COX17: variants seen among roughly 807,000 people sequenced by gnomAD.
COX17 encodes cytochrome c oxidase copper chaperone.
Under a neutral mutation model 6.3 loss-of-function variants are expected in COX17, and 1 was observed. The ratio of observed to expected loss-of-function variants is 0.16; its 90% confidence interval spans 0.06 to 0.75. The LOEUF (loss-of-function observed/expected upper bound fraction) is 0.75. Among genes scored for constraint, COX17 ranks in the 30% least tolerant of loss-of-function variants. COX17 has a pLI of 0.77. For synonymous variants in COX17, 26 were observed against 30.5 expected (o/e 0.85, Z 0.49); for missense variants, 73 against 81.2 (o/e 0.90, Z 0.39).
At chr3:119,672,952 C>A (rs1330847497) in intron 2 of COX17, among the ~76,000 whole-genome samples, 1 of 152,166 alleles carries the variant, frequency 6.6e-6, no homozygotes, top group Non-Finnish European at 1.5e-5. Context: ...GTTCCTTATC[C>A]CTCCTTTTTT....
chr3:119,667,728 C>CACAG (rs1484332925), downstream of COX17, among the ~76,000 whole-genome samples: 3 of 67,578 alleles, frequency 4.4e-5, no homozygotes, highest in African/African-American at 1.4e-4. Context: ...CACACACACA[C>CACAG]AGAGAGAGAG....
intron 3 of COX17, among the ~76,000 whole-genome samples, chr3:119,664,418 A>T (rs2052975407): frequency 6.6e-6 from 1 of 152,124 alleles, no homozygotes; most frequent in South Asian, 2.1e-4. Flanking sequence ...TCTGGTCTAA[A>T]AAGATGAGTA....
chr3:119,667,671 AAAG>A (rs1388068847), downstream of COX17, among the ~76,000 whole-genome samples: 10 of 144,666 alleles, frequency 6.9e-5, no homozygotes, highest in East Asian at 1.4e-3. Context: ...AAAAAAAAAA[AAAG>A]AAAGTAAAAG....
At chr3:119,668,177 G>T (rs2053011372), downstream of COX17, among the ~76,000 whole-genome samples, 1 of 152,048 alleles carries the variant, frequency 6.6e-6, no homozygotes, top group South Asian at 2.1e-4. Context: ...ATGTATAAAG[G>T]CATAGGAAAA....
At chr3:119,676,930 G>A in intron 1 of COX17, 1 of 697,482 alleles carries the variant, frequency 1.4e-6, no homozygotes. Flanking sequence ...CCGGTACTAA[G>A]CTACGGGATA....
At chr3:119,665,217 A>G (rs1023917882), downstream of COX17, 2 of 152,206 alleles carry the variant, frequency 1.3e-5, no homozygotes, top group Non-Finnish European at 2.9e-5. Context: ...AGCTTCTGGG[A>G]AAAAGTATAC....
intron 1 of COX17, among the ~76,000 whole-genome samples, chr3:119,676,343 C>A (rs1285444156): frequency 6.6e-6 from 1 of 152,244 alleles, no homozygotes; most frequent in African/African-American, 2.4e-5. Flanking sequence ...TGAGCTCCTA[C>A]ACTCTTATTA....
chr3:119,670,279 T>C (rs1466032471), intron 2 of COX17, among the ~76,000 whole-genome samples: 1 of 152,140 alleles, frequency 6.6e-6, no homozygotes, highest in Non-Finnish European at 1.5e-5. Context: ...TCCCAGAAGA[T>C]TGAGAACAAT....
At chr3:119,670,348 T>C (rs4687872) in intron 2 of COX17, among the ~76,000 whole-genome samples, 144,674 of 152,264 alleles carry the variant, frequency 0.95, 69,205 homozygotes, top group East Asian at 1. Flanking sequence ...AAATATTTCC[T>C]TCATTTAGCT....
chr3:119,673,307 A>T (rs1640728048), intron 2 of COX17, among the ~76,000 whole-genome samples: 1 of 152,178 alleles, frequency 6.6e-6, no homozygotes, highest in South Asian at 2.1e-4. Flanking sequence ...GGTAGTGGGG[A>T]TATGACAGTA....
At chr3:119,664,160 A>G (rs1208640235) in intron 3 of COX17, among the ~76,000 whole-genome samples, 1 of 152,200 alleles carries the variant, frequency 6.6e-6, no homozygotes, top group African/African-American at 2.4e-5. Flanking sequence ...TCAAAGAAAA[A>G]ACACTTATGA....
downstream of COX17, chr3:119,669,471 T>G (rs1400675682): frequency 6.6e-6 from 1 of 152,116 alleles, no homozygotes; most frequent in African/African-American, 2.4e-5. Context: ...GTATATATCC[T>G]TTGGGGGAAA....
Position 119,677,290 on chromosome 3 carries a change from T to G in COX17, c.21A>C (p.Ser7=). 1 of 1,611,900 alleles carries G rather than the reference T, an allele frequency of 6.2e-7. No individual in the cohort carries two copies. Among genetic ancestry groups the G allele is most frequent in the Non-Finnish European group, 8.5e-7 (1 of 1,179,912 alleles). ...CCTGAGACTCAGGCGGGGCAGGGTTTGAGTCAACCAGACCCGGCATCTTTC... is the reference window on the plus strand; with the variant it reads ...CCTGAGACTCAGGCGGGGCAGGGTTGGAGTCAACCAGACCCGGCATCTTTC... MPGLVD[S]NPAPPESQEK... is the part of the protein sequence containing the mutation. The change falls in exon 1 of 3, where the codon TCA becomes TCC. Residue 7 remains serine, a synonymous_variant. Transcript: ENST00000261070.
intron 2 of COX17, among the ~76,000 whole-genome samples, chr3:119,674,211 C>T (rs1010869387): frequency 2.3e-4 from 35 of 149,434 alleles, no homozygotes; most frequent in African/African-American, 7.9e-4. Context: ...TGCCTCGGCC[C>T]GGCTTCTGCC....
intron 2 of COX17, chr3:119,674,888 T>C (rs1015080438): frequency 2.5e-6 from 1 of 392,184 alleles, no homozygotes; most frequent in Non-Finnish European, 4.6e-6. Flanking sequence ...CTCAGTCAAT[T>C]TTCCTAAAGC....
At chr3:119,667,730 G>C (rs6780965), downstream of COX17, among the ~76,000 whole-genome samples, 1,864 of 51,354 alleles carry the variant, frequency 0.036, 19 homozygotes, top group East Asian at 0.23. Flanking sequence ...CACACACACA[G>C]AGAGAGAGAG....
chr3:119,671,869 G>T (rs1264971403), intron 2 of COX17, among the ~76,000 whole-genome samples: 1 of 152,162 alleles, frequency 6.6e-6, no homozygotes, highest in African/African-American at 2.4e-5. Flanking sequence ...TCCCCATGGA[G>T]GTTGGGGAAA....
In COX17 at chr3:119,674,111, G is replaced by A. The variant is rs6786272; in HGVS notation, c.*4+1034C>T. Among the ~76,000 whole-genome samples the A allele has an allele frequency of 7.8e-3, 1,175 of 151,564 alleles. 21 individuals are homozygous for A. The highest frequency in any genetic ancestry group is 0.026 in the African/African-American group (1,074 of 41,228). ...TCTGCCCAGCTGCCGCCCTGTCTGG[G>A]ATGTGAGGAGCGCCTCTGCCTGGCC... On this transcript the variant is annotated intron_variant, in intron 2 of 2. Coordinates refer to ENST00000261070, the MANE Select transcript of COX17 (RefSeq NM_005694.2).
chr3:119,677,071 AAGAGGGC>A (rs1242476950), intron 1 of COX17, 126 bp downstream of exon 1: 56 of 689,462 alleles, frequency 8.1e-5, no homozygotes, highest in African/African-American at 5.4e-4. Context: ...GGGGGGAAGG[AAGAGGGC>A]AGAGGGCAGA....
Sources: gnomAD v4.1 joint callset for allele counts (sites outside exome capture counted in the v4.1 genomes callset) on GRCh38, gnomAD v4.1.1 for gene constraint, MANE v1.5 for transcripts, NCBI Gene and HGNC (gene_info 2026-07-23, HGNC 2026-07-21) for gene names.